Variants in RNF43 observed in about 807,000 individuals in gnomAD.
RNF43 encodes the protein ring finger protein 43.
Under a neutral mutation model 78.4 loss-of-function variants are expected in RNF43, and 37 were observed. The ratio of observed to expected loss-of-function variants is 0.47; its 90% CI spans 0.36 to 0.62. RNF43 has a LOEUF of 0.62. Among genes scored for constraint, RNF43 ranks in the 20% least tolerant of loss-of-function variants. RNF43 has a pLI of 0.00. For synonymous variants in RNF43, 347 were observed against 395.0 expected (o/e 0.88, Z 1.44); for missense variants, 774 against 1,007.9 (o/e 0.77, Z 3.14).
chr17:58,369,999 A>G (rs1973045198), intron 3 of RNF43, among the ~76,000 whole-genome samples: 2 of 152,120 alleles, frequency 1.3e-5, no homozygotes, highest in Middle Eastern at 6.8e-3. Flanking sequence ...CCCAGCTCCT[A>G]CAAACCATGG....
chr17:58,396,572 A>G (rs1050717168), intron 2 of RNF43, among the ~76,000 whole-genome samples: 6 of 152,194 alleles, frequency 3.9e-5, no homozygotes, highest in Non-Finnish European at 7.4e-5. Context: ...TCCATTTTAC[A>G]TGTAACCATG....
intron 2 of RNF43, chr17:58,395,157 G>A (rs758172958): frequency 6.6e-6 from 1 of 152,150 alleles, no homozygotes; most frequent in Non-Finnish European, 1.5e-5. Context: ...TCTGCCTTCA[G>A]TACCTAGCAA....
At chr17:58,416,731 T>A (rs933103063) in intron 1 of RNF43, 9 of 152,144 alleles carry the variant, frequency 5.9e-5, no homozygotes, top group Non-Finnish European at 1.5e-5. Flanking sequence ...AAAATACAAA[T>A]AATCTTGAGT....
Position 58,393,898 on chromosome 17 carries a change from C to CA in RNF43, c.252+21427dup, listed in dbSNP as rs562039532. On this transcript the variant is annotated intron_variant, in intron 2 of 9. Transcript: ENST00000407977. ...TGAAACCCCGTCTCTACTAAAAATA[C>CA]AAAAAAAATTAGCCAGGCGTGGTGG... 2.6e-4 allele frequency among the ~76,000 whole-genome samples: 40 copies of CA among 151,876 alleles called. No homozygotes were observed. The South Asian group carries it at 7.7e-3, about 29-fold the overall frequency.
Position 58,357,991 on chromosome 17 carries a change from A to AT in RNF43, c.1784dup (p.Asp595GlufsTer18). Reference sequence around the variant, plus strand: ...CTGAGTTGGATCTGGTGACTTGCTGATCAGGAGAAGGTGGCTCTGGCTGGG... The same window carrying AT: ...CTGAGTTGGATCTGGTGACTTGCTGATTCAGGAGAAGGTGGCTCTGGCTGGG... On this transcript the variant is annotated frameshift_variant, in exon 9 of 10. Coordinates refer to ENST00000407977, the MANE Select transcript of RNF43 (RefSeq NM_017763.6). LOFTEE classifies it high-confidence loss of function. The surrounding 1 kb of genome is among the most constrained non-coding windows in gnomAD (Gnocchi z 4.5). The AT allele has an allele frequency of 6.2e-7, 1 of 1,606,848 alleles. No homozygotes were observed. The highest frequency in any genetic ancestry group is 8.5e-7 in the Non-Finnish European group (1 of 1,176,822).
intron 2 of RNF43, among the ~76,000 whole-genome samples, chr17:58,374,327 A>C (rs1313198828): frequency 6.6e-6 from 1 of 152,074 alleles, no homozygotes; most frequent in Non-Finnish European, 1.5e-5. Flanking sequence ...TAAGGACCCA[A>C]ATACAAGTCC....
At chr17:58,392,613 CAG>C (rs1380999831) in intron 2 of RNF43, among the ~76,000 whole-genome samples, 1 of 152,198 alleles carries the variant, frequency 6.6e-6, no homozygotes, top group South Asian at 2.1e-4. Flanking sequence ...AAAATCTAGA[CAG>C]GGGGTTATAT....
intron 3 of RNF43, among the ~76,000 whole-genome samples, chr17:58,364,988 C>G (rs1389746365): frequency 6.6e-6 from 1 of 152,232 alleles, no homozygotes; most frequent in Non-Finnish European, 1.5e-5. Context: ...AAGCGGGGCC[C>G]TGTTTTGGTC....
chr17:58,397,234 T>C (rs1200407498), intron 2 of RNF43, among the ~76,000 whole-genome samples: 1 of 152,162 alleles, frequency 6.6e-6, no homozygotes, highest in African/African-American at 2.4e-5. Context: ...CCATTTTTTA[T>C]GAAACACAGC....
At chr17:58,353,407 A>T (rs574052979), downstream of RNF43, 1 of 199,022 alleles carries the variant, frequency 5.0e-6, no homozygotes, top group South Asian at 1.9e-4. Flanking sequence ...GAAGTATGAT[A>T]ATGTGTGAAG....
chr17:58,417,328 T>C lies in RNF43; in HGVS notation c.-697A>G, dbSNP rs1974147066. The C allele has an allele frequency of 1.3e-5, 2 of 152,214 alleles. No individual in the cohort carries two copies. Among genetic ancestry groups the C allele is most frequent in the Admixed American group, 6.5e-5 (1 of 15,276 alleles). The allele number at this position is 152,214 out of a possible 1,614,324, so 9.4% of individuals were successfully genotyped here. A position where few individuals can be genotyped will look rare whatever the true frequency, so the allele number is the denominator to read the frequency against. ...TCTGAAACCTCCTTGCTAACAAAAG[T>C]TCTTTTTTTCTCCAAACAGCATATA... On this transcript the variant is annotated 5_prime_UTR_variant, in exon 1 of 10. Coordinates refer to ENST00000407977, the MANE Select transcript of RNF43 (RefSeq NM_017763.6).
chr17:58,381,413 G>T (rs1051589525), intron 2 of RNF43, among the ~76,000 whole-genome samples: 4 of 152,174 alleles, frequency 2.6e-5, no homozygotes, highest in Non-Finnish European at 5.9e-5. Context: ...GCCTGCTTTG[G>T]GGGGACTGTT....
chr17:58,352,855 G>T (rs1567869231), downstream of RNF43: 2 of 218,482 alleles, frequency 9.2e-6, no homozygotes, highest in East Asian at 6.7e-5. Context: ...AAGACCATTT[G>T]TAGGAGATTA....
At chr17:58,371,282 A>T (rs1973091783) in intron 2 of RNF43, among the ~76,000 whole-genome samples, 1 of 152,168 alleles carries the variant, frequency 6.6e-6, no homozygotes, top group African/African-American at 2.4e-5. Flanking sequence ...AGGGGACCTA[A>T]ATGAAGAGCT....
At chr17:58,379,031 G>C (rs1280543317) in intron 2 of RNF43, among the ~76,000 whole-genome samples, 1 of 152,148 alleles carries the variant, frequency 6.6e-6, no homozygotes, top group Non-Finnish European at 1.5e-5. Context: ...AAGAAAGCAA[G>C]ACTCAAGTTA....
chr17:58,355,005 G>T lies in RNF43; in HGVS notation c.2309-19C>A. ...TCTGAGCCTGTATTTAGAGAGCGGG[G>T]AGGAAAGAGGTCATTGAGGGTCAGG... On this transcript the variant is annotated intron_variant, in intron 9 of 9. Coordinates refer to ENST00000407977, the MANE Select transcript of RNF43 (RefSeq NM_017763.6). 1 of 1,612,630 alleles carries T rather than the reference G, an allele frequency of 6.2e-7. No homozygotes were observed. The highest frequency in any genetic ancestry group is 1.1e-5 in the South Asian group (1 of 90,984).
intron 2 of RNF43, among the ~76,000 whole-genome samples, chr17:58,375,274 T>TA (rs944230107): frequency 1.3e-5 from 2 of 152,158 alleles, no homozygotes; most frequent in African/African-American, 2.4e-5. Flanking sequence ...GCTCCTGAAA[T>TA]AAAGTCTGTA....
intron 2 of RNF43, among the ~76,000 whole-genome samples, chr17:58,411,582 G>A (rs1306700573): frequency 6.6e-6 from 1 of 152,046 alleles, no homozygotes; most frequent in Non-Finnish European, 1.5e-5. Flanking sequence ...GAAGACTCAG[G>A]GGAATACATT....
intron 2 of RNF43, among the ~76,000 whole-genome samples, chr17:58,403,948 G>T (rs1159140301): frequency 1.3e-5 from 2 of 152,192 alleles, no homozygotes; most frequent in Non-Finnish European, 2.9e-5. Context: ...TCACTTAGGT[G>T]CAGGTTAGTG....
Sources: allele counts gnomAD v4.1 joint callset (sites outside exome capture counted in the v4.1 genomes callset), GRCh38; gene constraint gnomAD v4.1.1; non-coding constraint Gnocchi (gnomAD v3.1); transcripts MANE v1.5; gene names NCBI Gene and HGNC (gene_info 2026-07-23, HGNC 2026-07-21).